SLC4A4: variants seen among roughly 807,000 people sequenced by gnomAD.
SLC4A4 encodes the protein solute carrier family 4 member 4.
A neutral mutation model predicts 111.5 loss-of-function variants in SLC4A4; 27 were observed. That is an observed-to-expected ratio of 0.24 (90% CI 0.18 to 0.33). The LOEUF is 0.33. Among genes scored for constraint, SLC4A4 ranks in the 10% least tolerant of loss-of-function variants. The pLI, the probability that SLC4A4 is intolerant of heterozygous loss-of-function variation, is 1.00. For synonymous variants in SLC4A4, 443 were observed against 463.4 expected (o/e 0.96, Z 0.57); for missense variants, 909 against 1,315.5 (o/e 0.69, Z 4.78).
chr4:71,146,037 G>A (rs1744155688), intron 2 of SLC4A4, among the ~76,000 whole-genome samples: 1 of 151,694 alleles, frequency 6.6e-6, no homozygotes, highest in Non-Finnish European at 1.5e-5. Flanking sequence ...TAATTGTGAT[G>A]TTAGGGTGTC....
chr4:71,566,179 C>T lies in SLC4A4; in HGVS notation c.3197-825C>T, dbSNP rs72854467. Among the ~76,000 whole-genome samples, 758 of 151,842 alleles carry T rather than the reference C, an allele frequency of 5.0e-3. 10 individuals carry two copies. The highest frequency in any genetic ancestry group is 0.017 in the African/African-American group (710 of 41,498). Reference sequence around the variant, plus strand: ...CAGTTTGTAACCTATAACTTGTAACCGAGGCTAATTTCTGCTAACCCCTAT... The same window carrying T: ...CAGTTTGTAACCTATAACTTGTAACTGAGGCTAATTTCTGCTAACCCCTAT... On this transcript the variant is annotated intron_variant, in intron 24 of 25. Coordinates refer to ENST00000264485, the MANE Select transcript of SLC4A4 (RefSeq NM_001098484.3).
At chr4:71,243,146 A>G (rs1044460395) in intron 2 of SLC4A4, among the ~76,000 whole-genome samples, 3 of 152,214 alleles carry the variant, frequency 2.0e-5, no homozygotes, top group African/African-American at 7.2e-5. Context: ...ATGTTGCTTC[A>G]TTTGGAAAAT....
At chr4:71,149,289 C>G (rs1171569587) in intron 2 of SLC4A4, among the ~76,000 whole-genome samples, 1 of 151,828 alleles carries the variant, frequency 6.6e-6, no homozygotes, top group Non-Finnish European at 1.5e-5. Flanking sequence ...GTAAAGGCCC[C>G]AAAATAGATT....
At position 71,532,116 on chromosome 4, in the gene SLC4A4, G is replaced by A. The variant is rs1213323091; in HGVS notation, c.2221G>A (p.Val741Ile). The change falls in exon 17 of 26, where the codon GTA becomes ATA. Residue 741 changes from valine to isoleucine, a missense_variant. Around this residue, in one of 7 missense-constraint regions of SLC4A4, gnomAD observed 264 missense variants for 356.8 expected, o/e 0.74. Coordinates refer to ENST00000264485, the MANE Select transcript of SLC4A4 (RefSeq NM_001098484.3). ...AIILSILIFC[V>I]IDALVGVDTP... The stretch of plus-strand genomic sequence containing the variant: ...TATCTTGTCCATTCTCATCTTTTGT[G>A]TAATAGATGCCCTAGTAGGCGTGGA... 3.1e-6 allele frequency: 5 copies of A among 1,613,236 alleles called. No individual in the cohort carries two copies. The Admixed American group carries it at 6.7e-5, about 22-fold the overall frequency.
chr4:71,375,615 A>G (rs1031127041), intron 6 of SLC4A4, among the ~76,000 whole-genome samples: 3 of 152,180 alleles, frequency 2.0e-5, no homozygotes, highest in African/African-American at 4.8e-5. Context: ...ACTTTGCACT[A>G]TAATGTATGA....
At chr4:71,230,303 C>CT (rs1272688968) in intron 1 of SLC4A4, among the ~76,000 whole-genome samples, 1 of 152,218 alleles carries the variant, frequency 6.6e-6, no homozygotes, top group Non-Finnish European at 1.5e-5. Flanking sequence ...CTTTTGAACT[C>CT]TGAGACTGCA....
chr4:71,363,561 G>C (rs1165025475), intron 6 of SLC4A4, among the ~76,000 whole-genome samples: 1 of 152,152 alleles, frequency 6.6e-6, no homozygotes, highest in Non-Finnish European at 1.5e-5. Context: ...GTGTAAGGCA[G>C]ATATTTCCCT....
At chr4:71,450,815 C>T (rs886340204) in intron 10 of SLC4A4, among the ~76,000 whole-genome samples, 2 of 152,042 alleles carry the variant, frequency 1.3e-5, no homozygotes, top group Admixed American at 6.6e-5. Context: ...CATGCTTTGG[C>T]GATGTTTTGG....
At chr4:71,317,106 G>A (rs997935538) in intron 3 of SLC4A4, among the ~76,000 whole-genome samples, 2 of 133,564 alleles carry the variant, frequency 1.5e-5, no homozygotes, top group African/African-American at 2.7e-5. Context: ...GTGTGTGTGT[G>A]TACTGTCAGA....
At chr4:71,241,274 T>C (rs1720197378) in intron 2 of SLC4A4, among the ~76,000 whole-genome samples, 2 of 152,156 alleles carry the variant, frequency 1.3e-5, no homozygotes, top group Admixed American at 6.5e-5. Flanking sequence ...TATATATTTA[T>C]ACTGATAAGA....
At position 71,166,849 on chromosome 4, in the gene SLC4A4, T is replaced by A. The variant is rs372106420; in HGVS notation, c.-1-69727T>A. 4.6e-5 allele frequency among the ~76,000 whole-genome samples: 7 copies of A among 152,328 alleles called. No homozygotes were observed. The East Asian group carries it at 1.4e-3, about 29-fold the overall frequency. On this transcript the variant is annotated intron_variant, in intron 2 of 26. Transcript: ENST00000649996. ...TGACATTTAGTTTAAAAATTTTGTTTGGAGATTGCATGCTCCTCTAGAATG... is the reference window on the plus strand; with the variant it reads ...TGACATTTAGTTTAAAAATTTTGTTAGGAGATTGCATGCTCCTCTAGAATG...
intron 3 of SLC4A4, among the ~76,000 whole-genome samples, chr4:71,278,731 T>C (rs1720563461): frequency 6.6e-6 from 1 of 152,224 alleles, no homozygotes; most frequent in Non-Finnish European, 1.5e-5. Context: ...TGGTCATTTA[T>C]TTATATGTCT....
At chr4:71,245,402 C>T (rs1194881249) in intron 2 of SLC4A4, among the ~76,000 whole-genome samples, 1 of 151,916 alleles carries the variant, frequency 6.6e-6, no homozygotes, top group African/African-American at 2.4e-5. Flanking sequence ...GGGCTGTTGC[C>T]AAGATTCAAC....
At chr4:71,124,496 G>A (rs1324591166) in intron 2 of SLC4A4, among the ~76,000 whole-genome samples, 1 of 152,142 alleles carries the variant, frequency 6.6e-6, no homozygotes, top group Non-Finnish European at 1.5e-5. Context: ...AACCTAAATG[G>A]TAAGTGTTGT....
chr4:71,443,781 AAT>A (rs1014463428), intron 8 of SLC4A4, among the ~76,000 whole-genome samples: 1 of 152,190 alleles, frequency 6.6e-6, no homozygotes, highest in Non-Finnish European at 1.5e-5. Context: ...ACTGTAAGAT[AAT>A]ATATATATGT....
At chr4:71,259,467 G>A (rs1178923255) in intron 3 of SLC4A4, among the ~76,000 whole-genome samples, 3 of 152,020 alleles carry the variant, frequency 2.0e-5, no homozygotes, top group African/African-American at 4.8e-5. Flanking sequence ...AAACGTGTGT[G>A]AGAGCGTGGT....
At chr4:71,224,800 A>G (rs1322276052) in intron 1 of SLC4A4, among the ~76,000 whole-genome samples, 1 of 152,192 alleles carries the variant, frequency 6.6e-6, no homozygotes, top group Non-Finnish European at 1.5e-5. Flanking sequence ...GTGGGCATTG[A>G]TTAGTTAATT....
intron 3 of SLC4A4, among the ~76,000 whole-genome samples, chr4:71,306,972 A>T (rs1725741103): frequency 6.6e-6 from 1 of 152,198 alleles, no homozygotes; most frequent in Non-Finnish European, 1.5e-5. Flanking sequence ...AACTGTTAAA[A>T]TGACCTCCAG....
Position 71,447,690 on chromosome 4 carries a change from A to G in SLC4A4, c.1010A>G (p.Tyr337Cys). Residue 337 changes from tyrosine (Y) to cysteine (C), a missense_variant, in exon 9 of 26, where the codon TAC becomes TGC. Physicochemically the swap from Tyr to Cys is radical, Grantham distance 194. This residue lies in a region of SLC4A4 where 312 missense variants were observed against 402.0 expected (regional missense o/e 0.78). Transcript: ENST00000264485. ...LLGPKGKAKS[Y>C]HEIGRAIATL... is the part of the protein sequence containing the mutation. ...GGTCCTAAGGGGAAAGCCAAGTCCT[A>G]CCACGAGATTGGCAGAGCCATTGCC... The G allele has an allele frequency of 1.2e-6, 2 of 1,613,342 alleles. No homozygotes were observed. Among genetic ancestry groups the G allele is most frequent in the East Asian group, 2.2e-5 (1 of 44,830 alleles).
Sources: gnomAD v4.1 joint callset for allele counts (sites outside exome capture counted in the v4.1 genomes callset) on GRCh38, gnomAD v4.1.1 for gene constraint, gnomAD v4.1.1 regional missense constraint, MANE v1.5 for transcripts, NCBI Gene and HGNC (gene_info 2026-07-23, HGNC 2026-07-21) for gene names.